The following FUT8 variants were observed in gnomAD, a reference collection of about 807,000 sequenced individuals.
The protein encoded by FUT8 is alpha-(1,6)-fucosyltransferase.
Under a neutral mutation model 71.3 loss-of-function variants are expected in FUT8, and 29 were observed. The observed-to-expected ratio is 0.41, with a 90% CI of 0.30 to 0.55. The LOEUF is 0.55. FUT8 is among the 20% of genes least tolerant of loss of function. FUT8 has a pLI of 0.34. For synonymous variants in FUT8, 254 were observed against 239.3 expected (o/e 1.06, Z -0.57); for missense variants, 544 against 702.1 (o/e 0.77, Z 2.55).
intron 7 of FUT8, among the ~76,000 whole-genome samples, chr14:65,698,057 G>C (rs1016370693): frequency 6.6e-6 from 1 of 151,520 alleles, no homozygotes; most frequent in Middle Eastern, 3.2e-3. Context: ...TGTAACTTCT[G>C]TTATTATAAT....
chr14:65,424,366 A>G (rs965160144), intron 1 of FUT8, among the ~76,000 whole-genome samples: 1 of 152,096 alleles, frequency 6.6e-6, no homozygotes, highest in Admixed American at 6.6e-5. Context: ...GGTTTCTCTC[A>G]GTGTCAAATG....
chr14:65,579,720 G>A (rs1168531726), intron 3 of FUT8, among the ~76,000 whole-genome samples: 1 of 152,048 alleles, frequency 6.6e-6, no homozygotes, highest in African/African-American at 2.4e-5. Context: ...AGCTTCCTGT[G>A]GTCCTTTAGA....
chr14:65,388,265 C>T, the FUT8 span, among the ~76,000 whole-genome samples: 1 of 152,088 alleles, frequency 6.6e-6, no homozygotes, highest in Non-Finnish European at 1.5e-5. Context: ...TCCTACAGTA[C>T]ACACATGAAA....
intron 1 of FUT8, among the ~76,000 whole-genome samples, chr14:65,438,271 T>G (rs2139466074): frequency 6.6e-6 from 1 of 152,216 alleles, no homozygotes; most frequent in African/African-American, 2.4e-5. Flanking sequence ...TTAGGCAGTT[T>G]TTTTTTTCCC....
chr14:65,525,691 G>A (rs1220163255), intron 2 of FUT8, among the ~76,000 whole-genome samples: 1 of 152,110 alleles, frequency 6.6e-6, no homozygotes, highest in African/African-American at 2.4e-5. Flanking sequence ...TTTCTCTTGT[G>A]GGCATTTAGT....
chr14:65,613,555 C>A (rs1263536740), intron 3 of FUT8, among the ~76,000 whole-genome samples: 3 of 152,076 alleles, frequency 2.0e-5, no homozygotes. Flanking sequence ...CAAATGAAGG[C>A]TTTTTCATTC....
intron 6 of FUT8, among the ~76,000 whole-genome samples, chr14:65,647,177 T>C (rs920850241): frequency 1.3e-5 from 2 of 152,200 alleles, no homozygotes; most frequent in Non-Finnish European, 2.9e-5. Context: ...GTCAGTTGTA[T>C]TTGATAGATG....
intron 3 of FUT8, among the ~76,000 whole-genome samples, chr14:65,602,743 G>A (rs1357447971): frequency 1.3e-5 from 2 of 151,724 alleles, no homozygotes; most frequent in African/African-American, 4.8e-5. Context: ...TCACATTGTG[G>A]TTTTGATTTG....
intron 1 of FUT8, among the ~76,000 whole-genome samples, chr14:65,439,930 T>G (rs1445446981): frequency 1.9e-5 from 2 of 106,706 alleles, no homozygotes; most frequent in African/African-American, 6.8e-5. Context: ...CATGAATGGA[T>G]AAAGAAAATG....
chr14:65,480,853 T>G lies in FUT8; in HGVS notation c.-228+25135T>G, dbSNP rs149940412. Reference sequence around the variant, plus strand: ...AGGCGTGTACCACCACACTGGCTAATTTTTTTTTGTATTTTTAGTAGAGAT... The same window carrying G: ...AGGCGTGTACCACCACACTGGCTAAGTTTTTTTTGTATTTTTAGTAGAGAT... On this transcript the variant is annotated intron_variant, in intron 2 of 10. Coordinates refer to ENST00000673929, the MANE Select transcript of FUT8 (RefSeq NM_001371533.1). 6.1e-3 allele frequency among the ~76,000 whole-genome samples: 928 copies of G among 151,174 alleles called. 10 individuals carry two copies. Among genetic ancestry groups the G allele is most frequent in the East Asian group, 0.036 (182 of 5,124 alleles).
rs1051175317 is a variant in FUT8, at chr14:65,742,257, T to C, written c.1575T>C (p.Pro525=). 6.2e-7 allele frequency: 1 copy of C among 1,613,004 alleles called. No homozygotes were observed. Among genetic ancestry groups the C allele is most frequent in the Non-Finnish European group, 8.5e-7 (1 of 1,179,326 alleles). ...PRTADEIPME[P]GDIIGVAGNH... ...CTGCAGATGAAATTCCCATGGAACC[T>C]GGAGATATCATTGGTGTGGCTGGAA... Residue 525 remains proline (P), a synonymous_variant, in exon 11 of 11, where the codon CCT becomes CCC. Coordinates refer to ENST00000673929, the MANE Select transcript of FUT8 (RefSeq NM_001371533.1).
intron 1 of FUT8, among the ~76,000 whole-genome samples, chr14:65,428,213 A>C (rs776064983): frequency 6.6e-6 from 1 of 152,122 alleles, no homozygotes; most frequent in Non-Finnish European, 1.5e-5. Context: ...TTCCTCTTAA[A>C]TGTAGCCACT....
chr14:65,484,181 TGTGAATAAAG>T (rs1441597623), intron 2 of FUT8, among the ~76,000 whole-genome samples: 1 of 152,254 alleles, frequency 6.6e-6, no homozygotes, highest in Non-Finnish European at 1.5e-5. Context: ...GCATGTCTTT[TGTGAATAAAG>T]AGAGCTTTAT....
chr14:65,374,347 C>G, the FUT8 span, among the ~76,000 whole-genome samples: 4 of 152,194 alleles, frequency 2.6e-5, no homozygotes, highest in African/African-American at 9.7e-5. Context: ...TAATGTACTA[C>G]ATACTCAAAT....
At chr14:65,471,069 G>C in intron 2 of FUT8, 1 of 466,630 alleles carries the variant, frequency 2.1e-6, no homozygotes, top group East Asian at 7.1e-5. Flanking sequence ...TTGTAATCCT[G>C]TGTTGTACAA....
intron 5 of FUT8, among the ~76,000 whole-genome samples, chr14:65,620,817 A>G (rs1194763980): frequency 6.6e-6 from 1 of 152,206 alleles, no homozygotes; most frequent in African/African-American, 2.4e-5. Context: ...ATGTTTTTGT[A>G]TGATTGTCTT....
At chr14:65,733,495 A>G in intron 10 of FUT8, 114 bp downstream of exon 10, 2 of 684,226 alleles carry the variant, frequency 2.9e-6, no homozygotes, top group Non-Finnish European at 4.7e-6. Flanking sequence ...ACTCAGGTGC[A>G]ATTTTTCTGA....
intron 2 of FUT8, among the ~76,000 whole-genome samples, chr14:65,506,532 A>C (rs2066737242): frequency 6.6e-6 from 1 of 152,246 alleles, no homozygotes; most frequent in South Asian, 2.1e-4. Flanking sequence ...TTTGTATAGA[A>C]GGTATGATAA....
At chr14:65,525,991 C>G (rs964686779) in intron 2 of FUT8, among the ~76,000 whole-genome samples, 1 of 152,066 alleles carries the variant, frequency 6.6e-6, no homozygotes, top group African/African-American at 2.4e-5. Context: ...ATTATGTGGT[C>G]AATTTTGGAA....
Sources: gnomAD v4.1 joint callset for allele counts (sites outside exome capture counted in the v4.1 genomes callset) on GRCh38, gnomAD v4.1.1 for gene constraint, MANE v1.5 for transcripts, NCBI Gene and HGNC (gene_info 2026-07-23, HGNC 2026-07-21) for gene names.